MYO3B: variants seen among roughly 807,000 people sequenced by gnomAD.
MYO3B encodes the protein myosin IIIB.
In MYO3B, 156 loss-of-function variants were observed where a neutral mutation model predicts 174.6. The ratio of observed to expected loss-of-function variants is 0.89; its 90% CI spans 0.78 to 1.02. The LOEUF (loss-of-function observed/expected upper bound fraction) is 1.02, where lower values mean the gene tolerates loss of function less well. Among genes scored for constraint, MYO3B ranks in the 50% least tolerant of loss-of-function variants. The probability of loss-of-function intolerance (pLI) is 0.00; values close to 1 mark genes in which losing one functional copy is unlikely to be tolerated. For synonymous variants in MYO3B, 563 were observed against 569.1 expected (o/e 0.99, Z 0.15); for missense variants, 1,632 against 1,639.4 (o/e 1.00, Z 0.08).
At chr2:170,624,335 A>G (rs1449095978) in intron 32 of MYO3B, among the ~76,000 whole-genome samples, 2 of 152,166 alleles carry the variant, frequency 1.3e-5, no homozygotes, top group Admixed American at 1.3e-4. Flanking sequence ...CTTTGTAGGA[A>G]TTGTGAATGG....
chr2:170,238,069 A>G (rs887990887), intron 7 of MYO3B, among the ~76,000 whole-genome samples: 24 of 152,164 alleles, frequency 1.6e-4, no homozygotes, highest in African/African-American at 5.6e-4. Context: ...TCTTCCCCAA[A>G]CCAGGAAAAA....
chr2:170,598,165 CA>C (rs1411236570), intron 32 of MYO3B, among the ~76,000 whole-genome samples: 1 of 152,118 alleles, frequency 6.6e-6, no homozygotes, highest in Non-Finnish European at 1.5e-5. Context: ...CTGCAGTGTC[CA>C]AAATGAAGAC....
At chr2:170,559,820 T>C (rs1038266609) in intron 32 of MYO3B, among the ~76,000 whole-genome samples, 1 of 152,084 alleles carries the variant, frequency 6.6e-6, no homozygotes. Flanking sequence ...CGGTCCCACA[T>C]TGTCCCCTCT....
chr2:170,230,770 T>C (rs1408121661), intron 6 of MYO3B, among the ~76,000 whole-genome samples: 1 of 152,198 alleles, frequency 6.6e-6, no homozygotes, highest in Non-Finnish European at 1.5e-5. Context: ...TGATATCTAC[T>C]ATTAACATTT....
chr2:170,361,109 C>G (rs540301836), intron 8 of MYO3B, among the ~76,000 whole-genome samples: 4 of 152,284 alleles, frequency 2.6e-5, no homozygotes, highest in Admixed American at 2.0e-4. Flanking sequence ...GCCCAGGGAG[C>G]TGACATTTAT....
chr2:170,267,773 C>G (rs2093395384), intron 7 of MYO3B, among the ~76,000 whole-genome samples: 1 of 152,076 alleles, frequency 6.6e-6, no homozygotes, highest in South Asian at 2.1e-4. Flanking sequence ...TTTTCGAGGA[C>G]ATAGATGATG....
intron 1 of MYO3B, among the ~76,000 whole-genome samples, chr2:170,194,781 G>A (rs927103053): frequency 6.6e-6 from 1 of 152,146 alleles, no homozygotes; most frequent in Non-Finnish European, 1.5e-5. Flanking sequence ...GGAAGTCAGT[G>A]GTAGATCAGT....
chr2:170,342,534 T>TA (rs201364572), intron 8 of MYO3B, among the ~76,000 whole-genome samples: 1 of 94,520 alleles, frequency 1.1e-5, no homozygotes, highest in Non-Finnish European at 2.4e-5. Flanking sequence ...TGTGTAATCT[T>TA]GGAAAGATAT....
At chr2:170,363,352 T>C (rs927654181) in intron 8 of MYO3B, among the ~76,000 whole-genome samples, 19 of 152,290 alleles carry the variant, frequency 1.2e-4, no homozygotes, top group Non-Finnish European at 2.5e-4. Flanking sequence ...CTATATCAAG[T>C]GTTTTATTCA....
chr2:170,277,386 A>G (rs1212027916), intron 7 of MYO3B, among the ~76,000 whole-genome samples: 1 of 152,214 alleles, frequency 6.6e-6, no homozygotes, highest in Non-Finnish European at 1.5e-5. Flanking sequence ...GTCAACATCT[A>G]TGGCTGGCGC....
intron 7 of MYO3B, among the ~76,000 whole-genome samples, chr2:170,308,017 T>C (rs1364452908): frequency 6.6e-6 from 1 of 152,166 alleles, no homozygotes; most frequent in African/African-American, 2.4e-5. Flanking sequence ...TTATCTCAAC[T>C]GAGAATGGGA....
intron 29 of MYO3B, among the ~76,000 whole-genome samples, chr2:170,518,968 G>A (rs1204265808): frequency 6.6e-6 from 1 of 152,196 alleles, no homozygotes; most frequent in Non-Finnish European, 1.5e-5. Context: ...ATCAAAATGT[G>A]GAAATAGGTT....
intron 28 of MYO3B, among the ~76,000 whole-genome samples, chr2:170,514,456 C>G (rs1176029101): frequency 6.6e-6 from 1 of 152,170 alleles, no homozygotes; most frequent in East Asian, 1.9e-4. Flanking sequence ...TTCCAAGAGG[C>G]AGAGATGTGG....
Position 170,407,838 on chromosome 2 carries a change from A to C in MYO3B, c.2644A>C (p.Lys882Gln), listed in dbSNP as rs1294724351. 6.2e-7 allele frequency: 1 copy of C among 1,613,812 alleles called. No individual in the cohort carries two copies. The highest frequency in any genetic ancestry group is 1.3e-5 in the African/African-American group (1 of 74,924). ...GCAGCTCTTCTCAATCCCTCTGACC[A>C]AAACAGGTACTTGGGAACCCTCTGA... ...LQQLFSIPLT[K>Q]TGNLAQTRAR... Residue 882 changes from lysine to glutamine, a missense_variant, in exon 22 of 35, where the codon AAA (lysine) becomes CAA (glutamine). Transcript: ENST00000408978.
Position 170,440,416 on chromosome 2 carries a change from G to A in MYO3B, c.2651-3551G>A, listed in dbSNP as rs573528053. Reference sequence around the variant, plus strand: ...TTAAGTCTTCCAACCCATGAACAGTGATGTCCATCAGTTTATTTGTGTCTT... The same window carrying A: ...TTAAGTCTTCCAACCCATGAACAGTAATGTCCATCAGTTTATTTGTGTCTT... On this transcript the variant is annotated intron_variant, in intron 22 of 34. Transcript: ENST00000408978. Among the ~76,000 whole-genome samples, 69 of 152,276 alleles carry A rather than the reference G, an allele frequency of 4.5e-4. 1 individual carries two copies. The South Asian group carries it at 5.0e-3, about 11-fold the overall frequency.
intron 32 of MYO3B, among the ~76,000 whole-genome samples, chr2:170,631,090 C>T (rs1696934456): frequency 6.6e-6 from 1 of 152,050 alleles, no homozygotes; most frequent in South Asian, 2.1e-4. Flanking sequence ...CTTCAGATGA[C>T]CAAACTTCTC....
At chr2:170,446,720 A>G (rs977931983) in intron 23 of MYO3B, among the ~76,000 whole-genome samples, 32 of 152,200 alleles carry the variant, frequency 2.1e-4, no homozygotes, top group African/African-American at 7.2e-4. Context: ...TGTGGGGGAA[A>G]AGTAATATTG....
At chr2:170,463,177 AAATGAGTAGAAC>A (rs1406733787) in intron 23 of MYO3B, among the ~76,000 whole-genome samples, 179 bp from the exon 24 acceptor site, 1 of 152,282 alleles carries the variant, frequency 6.6e-6, no homozygotes, top group Non-Finnish European at 1.5e-5. Context: ...AGGTATTGTC[AAATGAGTAGAAC>A]AATGCATATT....
chr2:170,186,285 G>A (rs1376427356), intron 1 of MYO3B, among the ~76,000 whole-genome samples: 4 of 148,534 alleles, frequency 2.7e-5, no homozygotes, highest in African/African-American at 9.7e-5. Context: ...ATTGTATTGG[G>A]GTATGTTCCT....
Sources: allele counts gnomAD v4.1 joint callset (sites outside exome capture counted in the v4.1 genomes callset), GRCh38; gene constraint gnomAD v4.1.1; transcripts MANE v1.5; gene names NCBI Gene and HGNC (gene_info 2026-07-23, HGNC 2026-07-21).